The following FAM98C variants were observed in gnomAD, a reference collection of about 807,000 sequenced individuals.
FAM98C encodes the protein protein FAM98C.
Under a neutral mutation model 41.1 loss-of-function variants are expected in FAM98C, and 38 were observed. The ratio of observed to expected loss-of-function variants is 0.92; its 90% CI spans 0.71 to 1.21. FAM98C has a LOEUF of 1.21. Among genes scored for constraint, FAM98C ranks in the 50% most tolerant of loss-of-function variants. The pLI is 0.00. For missense variants in FAM98C, 493 were observed against 484.7 expected (o/e 1.02, Z -0.16); for synonymous variants, 195 against 216.7 (o/e 0.90, Z 0.88).
In FAM98C at chr19:38,408,775, C is replaced by CG. The variant is rs559497541; in HGVS notation, c.950dup (p.Arg318ProfsTer4). 658 of 1,613,580 alleles carry CG rather than the reference C, an allele frequency of 4.1e-4. 1 individual carries two copies. The highest frequency in any genetic ancestry group is 4.9e-4 in the Non-Finnish European group (580 of 1,179,836). On this transcript the variant is annotated frameshift_variant, in exon 8 of 8. Transcript: ENST00000252530. LOFTEE classifies it high-confidence loss of function. ...GGTGCTTATGGGCAACGTTCCAGAC[C>CG]GGGGGGGCCGCCCAAATGAGCTGGA...
intron 7 of FAM98C, chr19:38,408,510 G>A: frequency 2.2e-6 from 1 of 454,770 alleles, no homozygotes; most frequent in East Asian, 4.8e-5. Flanking sequence ...AGTGAGCTGA[G>A]ATCACACCAC....
chr19:38,405,129 C>A lies in FAM98C; in HGVS notation c.555+16C>A, dbSNP rs1376992502. ...GCATGCTAAGGTAGAGAGTCAGAGT[C>A]CCCTCCCGACCTGGGCTACCCCACT... On this transcript the variant is annotated intron_variant, in intron 4 of 7. Transcript: ENST00000252530. 1 of 1,597,134 alleles carries A rather than the reference C, an allele frequency of 6.3e-7. No individual in the cohort carries two copies. Among genetic ancestry groups the A allele is most frequent in the African/African-American group, 1.3e-5 (1 of 74,664 alleles).
At position 38,403,695 on chromosome 19, in the gene FAM98C, G is replaced by C. The variant is rs770710021; in HGVS notation, c.349+1G>C. The C allele has an allele frequency of 1.4e-6, 2 of 1,409,244 alleles. No homozygotes were observed. The highest frequency in any genetic ancestry group is 3.2e-5 in the Admixed American group (1 of 31,638). The allele number at this position is 1,409,244 out of a possible 1,614,324, so 87.3% of individuals were successfully genotyped here. A position where few individuals can be genotyped will look rare whatever the true frequency, so the allele number is the denominator to read the frequency against. ...CCCGGTGCCGGACTGCGCCTGCTGC[G>C]TGAGTCCCGGGATGCAGAAGTGGCA... On this transcript the variant is annotated splice_donor_variant, in intron 3 of 7. Coordinates refer to ENST00000252530, the MANE Select transcript of FAM98C (RefSeq NM_174905.4). LOFTEE classifies it high-confidence loss of function.
At chr19:38,404,796 T>C in intron 3 of FAM98C, 112 bp from the exon 4 acceptor site, 1 of 1,183,828 alleles carries the variant, frequency 8.4e-7, no homozygotes, top group Non-Finnish European at 1.3e-6. Context: ...CCCAAAGTGC[T>C]GGGATTACAG....
intron 3 of FAM98C, among the ~76,000 whole-genome samples, chr19:38,404,540 T>C (rs1478833599): frequency 6.8e-6 from 1 of 147,978 alleles, no homozygotes; most frequent in African/African-American, 2.5e-5. Context: ...GTGGAGCCTC[T>C]TTTTTTTTTG....
chr19:38,403,107 CGGAG>C lies in FAM98C; in HGVS notation c.-46_-43del. The C allele has an allele frequency of 1.4e-6, 2 of 1,480,546 alleles. No individual in the cohort carries two copies. Among genetic ancestry groups the C allele is most frequent in the Non-Finnish European group, 1.8e-6 (2 of 1,130,298 alleles). The allele number at this position is 1,480,546 out of a possible 1,614,324, so 91.7% of individuals were successfully genotyped here. A position where few individuals can be genotyped will look rare whatever the true frequency, so the allele number is the denominator to read the frequency against. ...GCTCGTGCGCGCGGCGCTTTTGGGG[CGGAG>C]CCTGCCACCGGCCGCCAGGGGGCGC... On this transcript the variant is annotated 5_prime_UTR_variant, in exon 1 of 8. Coordinates refer to ENST00000252530, the MANE Select transcript of FAM98C (RefSeq NM_174905.4).
Position 38,403,128 on chromosome 19 carries a change from A to AG in FAM98C, c.-21dup, listed in dbSNP as rs761876229. On this transcript the variant is annotated 5_prime_UTR_variant, in exon 1 of 8. Coordinates refer to ENST00000252530, the MANE Select transcript of FAM98C (RefSeq NM_174905.4). ...GGGGCGGAGCCTGCCACCGGCCGCC[A>AG]GGGGGCGCGCCGAGACCACACTTTC... 17 of 1,506,536 alleles carry AG rather than the reference A, an allele frequency of 1.1e-5. No homozygotes were observed. The highest frequency in any genetic ancestry group is 1.3e-5 in the South Asian group (1 of 78,362). The allele number at this position is 1,506,536 out of a possible 1,614,324, so 93.3% of individuals were successfully genotyped here.
intron 6 of FAM98C, 171 bp downstream of exon 6, chr19:38,405,806 ATTG>A: frequency 1.6e-6 from 1 of 609,468 alleles, no homozygotes; most frequent in Non-Finnish European, 2.9e-6. Flanking sequence ...GTCCCAGGGT[ATTG>A]TTGAATTCCC....
In FAM98C at chr19:38,405,614, C is replaced by T. The variant is rs762787816; in HGVS notation, c.729C>T (p.Phe243=). 1.2e-5 allele frequency: 20 copies of T among 1,614,196 alleles called. 1 individual carries two copies. The South Asian group carries it at 2.1e-4, about 17-fold the overall frequency. The change falls in exon 6 of 8, where the codon TTC becomes TTT. Residue 243 remains phenylalanine, a synonymous_variant. Coordinates refer to ENST00000252530, the MANE Select transcript of FAM98C (RefSeq NM_174905.4). ...LKRLDLTTSA[F]HWSDRAEAQG... is the part of the protein sequence containing the mutation. ...GCCTTGACCTCACTACATCTGCTTT[C>T]CACTGGAGTGACCGGGCAGAGGTGT...
chr19:38,405,855 C>A, intron 6 of FAM98C: 3 of 522,854 alleles, frequency 5.7e-6, no homozygotes, highest in South Asian at 2.6e-5. Context: ...AGGCATACCC[C>A]ATCATTTTTT....
In FAM98C at chr19:38,408,750, G is replaced by A. The variant is rs1971092237; in HGVS notation, c.919-1G>A. ...GCAACTCAAATCTCATAAACTCTCAGGTGCTTATGGGCAACGTTCCAGACC... is the reference window on the plus strand; with the variant it reads ...GCAACTCAAATCTCATAAACTCTCAAGTGCTTATGGGCAACGTTCCAGACC... On this transcript the variant is annotated splice_acceptor_variant, in intron 7 of 7. Transcript: ENST00000252530. LOFTEE classifies it high-confidence loss of function. 1 of 1,613,936 alleles carries A rather than the reference G, an allele frequency of 6.2e-7. No homozygotes were observed. The highest frequency in any genetic ancestry group is 8.5e-7 in the Non-Finnish European group (1 of 1,180,016).
rs1447258932 is a variant in FAM98C, at chr19:38,403,348, G to A, written c.76G>A (p.Val26Ile). 1.4e-6 allele frequency: 2 copies of A among 1,475,658 alleles called. No individual in the cohort carries two copies. Among genetic ancestry groups the A allele is most frequent in the Non-Finnish European group, 1.8e-6 (2 of 1,128,454 alleles). 91.4% of individuals were successfully genotyped at this position (1,475,658 alleles called of 1,614,324 possible). Residue 26 changes from valine to isoleucine, a missense_variant, in exon 2 of 8, where the codon GTC becomes ATC. Physicochemically the swap from Val to Ile is conservative, Grantham distance 29. Coordinates refer to ENST00000252530, the MANE Select transcript of FAM98C (RefSeq NM_174905.4). ...QDLLALGYGG[V>I]PGAASRGASC... ...CCTCGGTCCCCACAGGTATGGAGGT[G>A]TCCCGGGGGCGGCGTCGCGGGGCGC... is the stretch of plus-strand genomic sequence containing the variant.
chr19:38,409,047 G>A lies in FAM98C; in HGVS notation c.*165G>A. On this transcript the variant is annotated 3_prime_UTR_variant, in exon 8 of 8. Transcript: ENST00000252530. ...CTGCTCCCATTCACGTCAATACCAAGAACCATGTTCTCCAGAGAATAAATT... is the reference window on the plus strand; with the variant it reads ...CTGCTCCCATTCACGTCAATACCAAAAACCATGTTCTCCAGAGAATAAATT... 1.8e-6 allele frequency: 1 copy of A among 569,146 alleles called. No individual in the cohort carries two copies. Among genetic ancestry groups the A allele is most frequent in the Non-Finnish European group, 2.8e-6 (1 of 359,556 alleles). The allele number at this position is 569,146 out of a possible 1,614,324, so 35.3% of individuals were successfully genotyped here. A position where few individuals can be genotyped will look rare whatever the true frequency, so the allele number is the denominator to read the frequency against.
chr19:38,405,742 C>T (rs1257841854), intron 6 of FAM98C, 107 bp downstream of exon 6: 7 of 1,053,474 alleles, frequency 6.6e-6, no homozygotes, highest in Non-Finnish European at 1.0e-5. Flanking sequence ...TGCAGGTTCT[C>T]AGGCCATGGA....
chr19:38,408,945 T>C lies in FAM98C; in HGVS notation c.*63T>C. 6.6e-7 allele frequency: 1 copy of C among 1,504,504 alleles called. No individual in the cohort carries two copies. Among genetic ancestry groups the C allele is most frequent in the Non-Finnish European group, 8.9e-7 (1 of 1,128,690 alleles). The allele number at this position is 1,504,504 out of a possible 1,614,324, so 93.2% of individuals were successfully genotyped here. A position where few individuals can be genotyped will look rare whatever the true frequency, so the allele number is the denominator to read the frequency against. The stretch of plus-strand genomic sequence containing the variant: ...AGATGCTAATGCTATCGGTAATCTC[T>C]GGGGAGTCCGTTTAAGGCTTTCCTT... On this transcript the variant is annotated 3_prime_UTR_variant, in exon 8 of 8. Transcript: ENST00000252530.
At chr19:38,405,752 A>G in intron 6 of FAM98C, 117 bp downstream of exon 6, 1 of 964,966 alleles carries the variant, frequency 1.0e-6, no homozygotes, top group Non-Finnish European at 1.6e-6. Context: ...CAGGCCATGG[A>G]CATTTTATAA....
Position 38,409,025 on chromosome 19 carries a change from C to G in FAM98C, c.*143C>G. ...TATTCCTGAGTCCCCAAATGCCCTG[C>G]TCCCATTCACGTCAATACCAAGAAC... On this transcript the variant is annotated 3_prime_UTR_variant, in exon 8 of 8. Coordinates refer to ENST00000252530, the MANE Select transcript of FAM98C (RefSeq NM_174905.4). The G allele has an allele frequency of 1.3e-6, 1 of 788,482 alleles. No homozygotes were observed. Among genetic ancestry groups the G allele is most frequent in the Non-Finnish European group, 1.9e-6 (1 of 528,218 alleles). 48.8% of individuals were successfully genotyped at this position (788,482 alleles called of 1,614,324 possible).
Position 38,403,441 on chromosome 19 carries a change from G to GAGA in FAM98C, c.171_172insAAG (p.Glu57_Gln58insLys). ...GGAGCTGGCGACGCTGGGCGCCCTC[G>GAGA]AGCAGCAGCGAGAGGCGGGCGCGGA... On this transcript the variant is annotated inframe_insertion, in exon 2 of 8. Transcript: ENST00000252530. 1 of 1,415,064 alleles carries GAGA rather than the reference G, an allele frequency of 7.1e-7. No individual in the cohort carries two copies. The highest frequency in any genetic ancestry group is 3.0e-5 in the East Asian group (1 of 33,374). 87.7% of individuals were successfully genotyped at this position (1,415,064 alleles called of 1,614,324 possible).
In FAM98C at chr19:38,405,072, G is replaced by A; in HGVS notation, c.514G>A (p.Gly172Arg). The A allele has an allele frequency of 6.2e-7, 1 of 1,612,106 alleles. No individual in the cohort carries two copies. Among genetic ancestry groups the A allele is most frequent in the South Asian group, 1.1e-5 (1 of 91,042 alleles). Residue 172 changes from glycine to arginine, a missense_variant, in exon 4 of 8, where the codon GGG (glycine) becomes AGG (arginine). Gly to Arg is a moderately radical substitution (Grantham distance 125, BLOSUM62 -2). Coordinates refer to ENST00000252530, the MANE Select transcript of FAM98C (RefSeq NM_174905.4). Reference sequence around the variant, plus strand: ...CCTGGGGCTGCCCAGACCTGCACCAGGGACCCCCGCCAGCCAGCTGCTGCA... The same window carrying A: ...CCTGGGGCTGCCCAGACCTGCACCAAGGACCCCCGCCAGCCAGCTGCTGCA... ...QALGLPRPAP[G>R]TPASQLLQEL...
Sources: allele counts gnomAD v4.1 joint callset (sites outside exome capture counted in the v4.1 genomes callset), GRCh38; gene constraint gnomAD v4.1.1; transcripts MANE v1.5; gene names NCBI Gene and HGNC (gene_info 2026-07-23, HGNC 2026-07-21).